ZNF780B: variants seen among roughly 807,000 people sequenced by gnomAD.
The protein encoded by ZNF780B is zinc finger protein 780B, also known as zinc finger protein 779.
Under a neutral mutation model 74.1 loss-of-function variants are expected in ZNF780B, and 52 were observed. That is an observed-to-expected ratio of 0.70 (90% confidence interval 0.56 to 0.88). The LOEUF (loss-of-function observed/expected upper bound fraction) is 0.88, where lower values mean the gene tolerates loss of function less well. Among genes scored for constraint, ZNF780B ranks in the 40% least tolerant of loss-of-function variants. ZNF780B has a pLI of 0.00. For missense variants in ZNF780B, 953 were observed against 1,007.6 expected, an observed-to-expected ratio of 0.95 and a Z score of 0.73; for synonymous variants, 315 against 324.3, an observed-to-expected ratio of 0.97 and a Z score of 0.31.
Position 40,034,730 on chromosome 19 carries a change from T to C in ZNF780B, c.2129A>G (p.Tyr710Cys). The part of the protein sequence containing the change: ...KECRKTFRYH[Y>C]QLTEHYRIHT... The stretch of plus-strand genomic sequence containing the variant: ...AATTCGGTAATGTTCAGTAAGCTGG[T>C]AATGATATCTAAAGGTCTTCCTACA... The change falls in exon 5 of 5, where the codon TAC becomes TGC. Residue 710 changes from tyrosine (Y) to cysteine (C), a missense_variant. Coordinates refer to ENST00000434248, the MANE Select transcript of ZNF780B (RefSeq NM_001005851.3). 6.2e-7 allele frequency: 1 copy of C among 1,613,878 alleles called. No homozygotes were observed. The highest frequency in any genetic ancestry group is 8.5e-7 in the Non-Finnish European group (1 of 1,179,958).
intron 4 of ZNF780B, among the ~76,000 whole-genome samples, chr19:40,038,735 A>G (rs990242763): frequency 1.3e-5 from 2 of 152,188 alleles, no homozygotes; most frequent in South Asian, 2.1e-4. Context: ...GTCTGTTCAC[A>G]TCCTTCGCCC....
chr19:40,031,810 G>A lies in ZNF780B; in HGVS notation c.*2547C>T, dbSNP rs114227195. ...TATTCAATCCAGGGCTTAAGTACACGTGACTATAACTTTTCAGAGATGACA... is the reference window on the plus strand; with the variant it reads ...TATTCAATCCAGGGCTTAAGTACACATGACTATAACTTTTCAGAGATGACA... On this transcript the variant is annotated 3_prime_UTR_variant, in exon 5 of 5. Transcript: ENST00000434248. 1.1e-3 allele frequency: 293 copies of A among 261,698 alleles called. 1 individual carries two copies. Among genetic ancestry groups the A allele is most frequent in the African/African-American group, 6.1e-3 (278 of 45,358 alleles). 16.2% of individuals were successfully genotyped at this position (261,698 alleles called of 1,614,324 possible).
Position 40,036,547 on chromosome 19 carries a change from TATAAC to T in ZNF780B, c.307_311del (p.Val103LysfsTer5), listed in dbSNP as rs761243280. 6.3e-7 allele frequency: 1 copy of T among 1,591,414 alleles called. No individual in the cohort carries two copies. The highest frequency in any genetic ancestry group is 8.5e-7 in the Non-Finnish European group (1 of 1,171,052). ...GGCCAAGTGTTTTACTTATTTGCTTTATAACATGTTTGGGTAAATTTATTTCAAAA... is the reference window on the plus strand; with the variant it reads ...GGCCAAGTGTTTTACTTATTTGCTTTATGTTTGGGTAAATTTATTTCAAAA... On this transcript the variant is annotated frameshift_variant, in exon 5 of 5. Transcript: ENST00000434248. LOFTEE classifies it high-confidence loss of function.
intron 4 of ZNF780B, among the ~76,000 whole-genome samples, chr19:40,036,960 G>C (rs1020890156): frequency 1.6e-4 from 24 of 150,734 alleles, no homozygotes; most frequent in African/African-American, 5.9e-4. Flanking sequence ...CCAGGCTGCA[G>C]TGCAATGGCA....
Position 40,034,660 on chromosome 19 carries a change from G to C in ZNF780B, c.2199C>G (p.Ala733=). ...KPFECKECGK[A]FGLLTQLAQH... The stretch of plus-strand genomic sequence containing the variant: ...GAGCAAGCTGTGTCAGAAGACCAAA[G>C]GCCTTTCCGCATTCTTTACATTCAA... The change falls in exon 5 of 5, where the codon GCC becomes GCG. Residue 733 remains alanine (A), a synonymous_variant. Coordinates refer to ENST00000434248, the MANE Select transcript of ZNF780B (RefSeq NM_001005851.3). 1.2e-6 allele frequency: 2 copies of C among 1,613,976 alleles called. No individual in the cohort carries two copies. Among genetic ancestry groups the C allele is most frequent in the Non-Finnish European group, 1.7e-6 (2 of 1,179,978 alleles).
chr19:40,036,583 A>G lies in ZNF780B; in HGVS notation c.276T>C (p.Asn92=), dbSNP rs370029934. 25 of 1,564,476 alleles carry G rather than the reference A, an allele frequency of 1.6e-5. No homozygotes were observed. The highest frequency in any genetic ancestry group is 6.0e-5 in the South Asian group (5 of 82,848). ...KYGPEKISPE[N]DIFEINLPKH... ...TGGGTAAATTTATTTCAAAAATATCATTTTCTGGAGATATTTTCTCAGGTC... is the reference window on the plus strand; with the variant it reads ...TGGGTAAATTTATTTCAAAAATATCGTTTTCTGGAGATATTTTCTCAGGTC... Residue 92 remains asparagine (N), a synonymous_variant, in exon 5 of 5, where the codon AAT becomes AAC. Coordinates refer to ENST00000434248, the MANE Select transcript of ZNF780B (RefSeq NM_001005851.3).
chr19:40,029,371 T>A lies in ZNF780B; in HGVS notation c.*4986A>T, dbSNP rs746192820. ...CTGCTCAGAAACACCATGACAAATT[T>A]AAATCAGAGCAATATCTCCAAAAAT... On this transcript the variant is annotated 3_prime_UTR_variant, in exon 5 of 5. Transcript: ENST00000434248. 4 of 154,704 alleles carry A rather than the reference T, an allele frequency of 2.6e-5. No homozygotes were observed. Among genetic ancestry groups the A allele is most frequent in the Non-Finnish European group, 5.9e-5 (4 of 68,222 alleles). The allele number at this position is 154,704 out of a possible 1,614,324, so 9.6% of individuals were successfully genotyped here.
In ZNF780B at chr19:40,048,716, C is replaced by T. The variant is rs1351630892; in HGVS notation, c.90G>A (p.Leu30=). 1.2e-6 allele frequency: 2 copies of T among 1,614,204 alleles called. No individual in the cohort carries two copies. The highest frequency in any genetic ancestry group is 2.2e-5 in the East Asian group (1 of 44,888). The change falls in exon 3 of 5, where the codon TTG becomes TTA. Residue 30 remains leucine, a synonymous_variant. Coordinates refer to ENST00000434248, the MANE Select transcript of ZNF780B (RefSeq NM_001005851.3). ...AGTTCTCCAACATCACATCCCTGTA[C>T]AAGGTCCTCTGATCAGGCTGCAGGC... The part of the protein sequence containing the change: ...WECLQPDQRT[L]YRDVMLENYS...
rs755770118 is a variant in ZNF780B, at chr19:40,035,858, T to G, written c.1001A>C (p.Glu334Ala). 4 of 1,613,614 alleles carry G rather than the reference T, an allele frequency of 2.5e-6. No homozygotes were observed. The African/African-American group carries it at 5.3e-5, about 22-fold the overall frequency. Residue 334 changes from glutamate to alanine, a missense_variant, in exon 5 of 5, where the codon GAA becomes GCA. Transcript: ENST00000434248. ...CRIHTGEKPF[E>A]CKECRKAFTL... Reference sequence around the variant, plus strand: ...AAAGGCCTTTCTGCATTCTTTACATTCAAAGGGTTTCTCGCCAGTATGAAT... The same window carrying G: ...AAAGGCCTTTCTGCATTCTTTACATGCAAAGGGTTTCTCGCCAGTATGAAT...
chr19:40,050,309 G>A lies in ZNF780B; in HGVS notation c.9+15C>T. ...AAAGTCACCATATTTCAAGAAGACA[G>A]AAACACCAACTTACATGGACCATGT... On this transcript the variant is annotated intron_variant, in intron 2 of 4. Coordinates refer to ENST00000434248, the MANE Select transcript of ZNF780B (RefSeq NM_001005851.3). 1 of 1,593,026 alleles carries A rather than the reference G, an allele frequency of 6.3e-7. No individual in the cohort carries two copies. The highest frequency in any genetic ancestry group is 8.5e-7 in the Non-Finnish European group (1 of 1,176,756).
In ZNF780B at chr19:40,030,798, A is replaced by G. The variant is rs937420153; in HGVS notation, c.*3559T>C. 2.0e-5 allele frequency: 3 copies of G among 152,212 alleles called. No homozygotes were observed. Among genetic ancestry groups the G allele is most frequent in the Admixed American group, 2.0e-4 (3 of 15,284 alleles). The allele number at this position is 152,212 out of a possible 1,614,324, so 9.4% of individuals were successfully genotyped here. ...TACCGGGATGTGCAATGACCCAGAAAGGAGTTGTGCTAGGTTAATACCCAG... is the reference window on the plus strand; with the variant it reads ...TACCGGGATGTGCAATGACCCAGAAGGGAGTTGTGCTAGGTTAATACCCAG... On this transcript the variant is annotated 3_prime_UTR_variant, in exon 5 of 5. Coordinates refer to ENST00000434248, the MANE Select transcript of ZNF780B (RefSeq NM_001005851.3).
chr19:40,044,575 T>C (rs1437956458), intron 4 of ZNF780B, among the ~76,000 whole-genome samples: 1 of 152,054 alleles, frequency 6.6e-6, no homozygotes, highest in African/African-American at 2.4e-5. Context: ...CAGCAAAAGG[T>C]GACAGAATTC....
chr19:40,047,557 T>A (rs1972989562), intron 3 of ZNF780B, 87 bp from the exon 4 acceptor site: 2 of 837,728 alleles, frequency 2.4e-6, no homozygotes, highest in African/African-American at 3.5e-5. Flanking sequence ...TATAATAAAT[T>A]ACAAGCCAAA....
rs1973082464 is a variant in ZNF780B at position 40,049,082 on chromosome 19, A to G, written c.10-286T>C. 1.0e-5 allele frequency: 4 copies of G among 381,906 alleles called. No individual in the cohort carries two copies. The Admixed American group carries it at 1.3e-4, about 12-fold the overall frequency. 23.7% of individuals were successfully genotyped at this position (381,906 alleles called of 1,614,324 possible). On this transcript the variant is annotated intron_variant, in intron 2 of 4. Transcript: ENST00000434248. ...CTGGAAAAAAAAAAAAAAGAAAGAA[A>G]GAAAGAACTGTCGTGGTGGCATGTG...
chr19:40,034,407 A>C lies in ZNF780B; in HGVS notation c.2452T>G (p.Ser818Ala), dbSNP rs1455945431. The C allele has an allele frequency of 6.2e-7, 1 of 1,613,720 alleles. No individual in the cohort carries two copies. Among genetic ancestry groups the C allele is most frequent in the African/African-American group, 1.3e-5 (1 of 75,028 alleles). The change falls in exon 5 of 5, where the codon TCA becomes GCA. Residue 818 changes from serine to alanine, a missense_variant. Physicochemically the swap from Ser to Ala is moderately conservative, Grantham distance 99. Coordinates refer to ENST00000434248, the MANE Select transcript of ZNF780B (RefSeq NM_001005851.3). ...TTCAGTAAGTTGCTACTGATGTCTG[A>C]AGGCTGTCCCACATTTCTTACATTC... ...PLNVRNVGQP[S>A]DISSNLLNIR...
intron 2 of ZNF780B, 94 bp from the exon 3 acceptor site, chr19:40,048,890 G>C (rs142342726): frequency 6.4e-7 from 1 of 1,566,490 alleles, no homozygotes; most frequent in African/African-American, 1.4e-5. Flanking sequence ...CAATAAAGGA[G>C]CAATATGGAA....
At chr19:40,044,641 A>G (rs1030028921) in intron 4 of ZNF780B, among the ~76,000 whole-genome samples, 6 of 152,256 alleles carry the variant, frequency 3.9e-5, no homozygotes, top group Non-Finnish European at 5.9e-5. Flanking sequence ...CCTAGAAGTG[A>G]AAGGACAATA....
At chr19:40,040,508 T>C (rs1274465829) in intron 4 of ZNF780B, among the ~76,000 whole-genome samples, 1 of 152,258 alleles carries the variant, frequency 6.6e-6, no homozygotes, top group Non-Finnish European at 1.5e-5. Context: ...CTTTTACCTC[T>C]GGTAGAATTC....
chr19:40,040,931 G>GTT (rs1972604414), intron 4 of ZNF780B, among the ~76,000 whole-genome samples: 1 of 152,126 alleles, frequency 6.6e-6, no homozygotes, highest in African/African-American at 2.4e-5. Context: ...TCTGATTTTA[G>GTT]TTATTTCTTG....
Sources: allele counts gnomAD v4.1 joint callset (sites outside exome capture counted in the v4.1 genomes callset), GRCh38; gene constraint gnomAD v4.1.1; transcripts MANE v1.5; gene names NCBI Gene and HGNC (gene_info 2026-07-23, HGNC 2026-07-21).